Variants in MAML2 observed in about 807,000 individuals in gnomAD.
MAML2 encodes the protein mastermind-like protein 2.
A neutral mutation model predicts 96.1 loss-of-function variants in MAML2; 22 were observed. The observed-to-expected ratio is 0.23, with a 90% CI of 0.16 to 0.33. The LOEUF is 0.33. Ranked by LOEUF, MAML2 falls within the 10% of genes least tolerant of loss-of-function variation. The pLI is 1.00. For synonymous variants in MAML2, 561 were observed against 521.3 expected, an observed-to-expected ratio of 1.08 and a Z score of -1.04; for missense variants, 1,367 against 1,392.4, an observed-to-expected ratio of 0.98 and a Z score of 0.29.
intron 2 of MAML2, among the ~76,000 whole-genome samples, chr11:96,083,483 G>C (rs1444274274): frequency 6.6e-6 from 1 of 152,156 alleles, no homozygotes; most frequent in Admixed American, 6.5e-5. Context: ...TGGGGCAGCT[G>C]AGAGGGAATT....
intron 2 of MAML2, among the ~76,000 whole-genome samples, chr11:96,045,902 G>GTTTTT (rs60206394): frequency 1.5e-4 from 20 of 136,070 alleles, no homozygotes; most frequent in African/African-American, 5.4e-4. Context: ...GCACACTTCT[G>GTTTTT]TTTTTTTTTT....
At chr11:95,984,142 A>T (rs536637699) in intron 4 of MAML2, among the ~76,000 whole-genome samples, 18 of 152,330 alleles carry the variant, frequency 1.2e-4, no homozygotes, top group African/African-American at 3.8e-4. Flanking sequence ...CCATTGTGTT[A>T]TAACTGCCTA....
chr11:96,136,432 T>C (rs1860633971), intron 1 of MAML2, among the ~76,000 whole-genome samples: 1 of 152,208 alleles, frequency 6.6e-6, no homozygotes, highest in South Asian at 2.1e-4. Context: ...AATGTCTATT[T>C]AGCATCCCAT....
intron 2 of MAML2, among the ~76,000 whole-genome samples, chr11:96,017,372 TC>T (rs1858370932): frequency 2.2e-5 from 2 of 90,408 alleles, no homozygotes; most frequent in Admixed American, 2.5e-4. Flanking sequence ...TCTCCCTCCC[TC>T]CCCACCTCTT....
chr11:96,316,812 C>T (rs1198905065), intron 1 of MAML2, among the ~76,000 whole-genome samples: 1 of 152,072 alleles, frequency 6.6e-6, no homozygotes, highest in African/African-American at 2.4e-5. Context: ...GATGCCATTG[C>T]AGCAGTCGAG....
chr11:96,153,886 T>C (rs1860967180), intron 1 of MAML2, among the ~76,000 whole-genome samples: 1 of 151,694 alleles, frequency 6.6e-6, no homozygotes, highest in Admixed American at 6.6e-5. Context: ...ACTCCAGCTC[T>C]GGACAACAGA....
At chr11:96,218,678 GTATT>G in intron 1 of MAML2, among the ~76,000 whole-genome samples, 1 of 152,166 alleles carries the variant, frequency 6.6e-6, no homozygotes, top group East Asian at 1.9e-4. Context: ...ACATAGAAGA[GTATT>G]TATGTATGCC....
At chr11:96,219,108 G>A (rs1314670230) in intron 1 of MAML2, among the ~76,000 whole-genome samples, 3 of 152,182 alleles carry the variant, frequency 2.0e-5, no homozygotes, top group African/African-American at 4.8e-5. Context: ...TCTAGACAGT[G>A]GAGATTAACC....
intron 1 of MAML2, among the ~76,000 whole-genome samples, chr11:96,098,082 G>A: frequency 6.6e-6 from 1 of 152,174 alleles, no homozygotes; most frequent in South Asian, 2.1e-4. Flanking sequence ...AAGTCCAATA[G>A]AATGAAGATG....
chr11:96,164,504 T>C (rs575519582), intron 1 of MAML2, among the ~76,000 whole-genome samples: 1 of 152,174 alleles, frequency 6.6e-6, no homozygotes, highest in Non-Finnish European at 1.5e-5. Context: ...ATTTTACCAA[T>C]AATACTGTTG....
chr11:96,206,282 G>A (rs759342243), intron 1 of MAML2, among the ~76,000 whole-genome samples: 5 of 152,194 alleles, frequency 3.3e-5, no homozygotes, highest in Non-Finnish European at 5.9e-5. Flanking sequence ...GCTGAAAAGT[G>A]TTTATAATTG....
intron 2 of MAML2, among the ~76,000 whole-genome samples, chr11:95,996,406 T>C (rs1388399513): frequency 6.6e-6 from 1 of 152,144 alleles, no homozygotes; most frequent in Non-Finnish European, 1.5e-5. Flanking sequence ...AGATAGACTG[T>C]GCTAAATGTA....
chr11:96,055,287 A>G (rs2135771994), intron 2 of MAML2, among the ~76,000 whole-genome samples: 1 of 152,320 alleles, frequency 6.6e-6, no homozygotes, highest in Middle Eastern at 3.4e-3. Context: ...AAGGAAACAT[A>G]ATCAGAATTA....
intron 1 of MAML2, among the ~76,000 whole-genome samples, chr11:96,155,736 C>G (rs1323884507): frequency 1.3e-5 from 2 of 151,442 alleles, no homozygotes; most frequent in Non-Finnish European, 2.9e-5. Flanking sequence ...TCCTGCTCTC[C>G]TTGAATGTGT....
intron 1 of MAML2, among the ~76,000 whole-genome samples, chr11:96,263,228 A>G (rs2062787393): frequency 6.6e-6 from 1 of 152,236 alleles, no homozygotes; most frequent in African/African-American, 2.4e-5. Flanking sequence ...CCAAAATGTC[A>G]TGTCCAATTC....
intron 2 of MAML2, among the ~76,000 whole-genome samples, chr11:96,030,000 A>G (rs1329026368): frequency 1.3e-5 from 2 of 152,134 alleles, no homozygotes; most frequent in Non-Finnish European, 2.9e-5. Flanking sequence ...TTGGGAGGCC[A>G]AGGTGGGTGG....
In MAML2 at chr11:96,195,224, G is replaced by A. The variant is rs186110131; in HGVS notation, c.514-101707C>T. 5.3e-5 allele frequency among the ~76,000 whole-genome samples: 8 copies of A among 151,972 alleles called. No individual in the cohort carries two copies. The East Asian group carries it at 1.6e-3, about 30-fold the overall frequency. On this transcript the variant is annotated intron_variant, in intron 1 of 4. Coordinates refer to ENST00000524717, the MANE Select transcript of MAML2 (RefSeq NM_032427.4). ...GAAAAGAAAAGAAAAGAAAAACAGT[G>A]TCACTCTCTGCAAAGCCCTATGAAT...
chr11:96,163,646 G>T (rs1226406047), intron 1 of MAML2, among the ~76,000 whole-genome samples: 1 of 152,092 alleles, frequency 6.6e-6, no homozygotes, highest in East Asian at 1.9e-4. Flanking sequence ...CATCTATCTA[G>T]TCTCTCTCTA....
At chr11:96,194,770 G>C (rs1861704639) in intron 1 of MAML2, among the ~76,000 whole-genome samples, 1 of 150,240 alleles carries the variant, frequency 6.7e-6, no homozygotes, top group African/African-American at 2.5e-5. Context: ...TTATTCTCAG[G>C]AAGAAAAGGC....
Sources: gnomAD v4.1 joint callset for allele counts (sites outside exome capture counted in the v4.1 genomes callset) on GRCh38, gnomAD v4.1.1 for gene constraint, MANE v1.5 for transcripts, NCBI Gene and HGNC (gene_info 2026-07-23, HGNC 2026-07-21) for gene names.